ADH1C: variants seen among roughly 807,000 people sequenced by gnomAD.
The protein encoded by ADH1C is alcohol dehydrogenase 1C (class I), gamma polypeptide.
A neutral mutation model predicts 35.0 loss-of-function variants in ADH1C; 26 were observed. The observed-to-expected ratio is 0.74, with a 90% CI of 0.54 to 1.03. The LOEUF (loss-of-function observed/expected upper bound fraction) is 1.03. ADH1C is among the 50% of genes least tolerant of loss of function. ADH1C has a pLI of 0.00. For missense variants in ADH1C, 413 were observed against 465.4 expected, an observed-to-expected ratio of 0.89 and a Z score of 1.04; for synonymous variants, 170 against 169.3, an observed-to-expected ratio of 1.00 and a Z score of -0.03.
chr4:99,348,395 C>T (rs13118501), intron 1 of ADH1C, among the ~76,000 whole-genome samples: 17,076 of 147,770 alleles, frequency 0.12, 1,126 homozygotes, highest in Non-Finnish European at 0.16. Flanking sequence ...TTTGTTCTTG[C>T]GATAGTTTAC....
intron 3 of ADH1C, among the ~76,000 whole-genome samples, chr4:99,346,205 ATGAT>A (rs1734526361): frequency 6.6e-6 from 1 of 152,180 alleles, no homozygotes; most frequent in African/African-American, 2.4e-5. Context: ...ACCAAGAAAA[ATGAT>A]TGGTGCATAA....
chr4:99,352,191 C>G (rs989758874), intron 1 of ADH1C, among the ~76,000 whole-genome samples: 2 of 146,650 alleles, frequency 1.4e-5, no homozygotes, highest in African/African-American at 4.9e-5. Flanking sequence ...TCTCAAATCC[C>G]TCTCATAAAA....
At chr4:99,341,670 A>C (rs572532683) in intron 6 of ADH1C, among the ~76,000 whole-genome samples, 39 of 152,316 alleles carry the variant, frequency 2.6e-4, no homozygotes, top group African/African-American at 7.5e-4. Context: ...AAACCTCAGC[A>C]ATGGAAACTT....
intron 8 of ADH1C, among the ~76,000 whole-genome samples, chr4:99,338,395 CTATATATATA>C (rs35124782): frequency 3.3e-4 from 13 of 38,948 alleles, no homozygotes; most frequent in Admixed American, 8.8e-4. Context: ...ATACTGTTTT[CTATATATATA>C]TATATATATA....
At position 99,336,682 on chromosome 4, in the gene ADH1C, A is replaced by G; in HGVS notation, c.*70T>C. ...AAGAGCAGAATTAATGATATTTCCT[A>G]GCTGTTGCTCCAGATCATGTAGGGT... On this transcript the variant is annotated 3_prime_UTR_variant, in exon 9 of 9. Coordinates refer to ENST00000515683, the MANE Select transcript of ADH1C (RefSeq NM_000669.5). 6.5e-7 allele frequency: 1 copy of G among 1,544,448 alleles called. No individual in the cohort carries two copies. The highest frequency in any genetic ancestry group is 9.0e-7 in the Non-Finnish European group (1 of 1,117,268).
In ADH1C at chr4:99,342,994, A is replaced by G. The variant is rs755222271; in HGVS notation, c.629T>C (p.Met210Thr). ...GGCTGCTCCAGCTGCTTTACAGCCC[A>G]TAACAACAGATAGGCCGACCCCTCC... is the stretch of plus-strand genomic sequence containing the variant. ...GLGGVGLSVV[M>T]GCKAAGAARI... The change falls in exon 6 of 9, where the codon ATG becomes ACG. Residue 210 changes from methionine (M) to threonine (T), a missense_variant. Transcript: ENST00000515683. 11 of 1,614,132 alleles carry G rather than the reference A, an allele frequency of 6.8e-6. No individual in the cohort carries two copies. Among genetic ancestry groups the G allele is most frequent in the African/African-American group, 1.3e-5 (1 of 74,956 alleles).
At chr4:99,352,618 A>C in intron 1 of ADH1C, 40 bp downstream of exon 1, 1 of 1,532,340 alleles carries the variant, frequency 6.5e-7, no homozygotes, top group East Asian at 2.3e-5. Flanking sequence ...TGTTATATTG[A>C]AGAGAATATA....
chr4:99,352,591 T>A (rs577588334), intron 1 of ADH1C, 67 bp downstream of exon 1: 1 of 1,354,564 alleles, frequency 7.4e-7, no homozygotes, highest in African/African-American at 1.4e-5. Flanking sequence ...TCATTATTAA[T>A]ACTGTATTCC....
chr4:99,346,993 G>A lies in ADH1C; in HGVS notation c.259+13C>T. ...GTGAACCAAGGCATGTTCCCTGAGT[G>A]TGAATCCTGTACCTGGTTTGACTGT... On this transcript the variant is annotated intron_variant, in intron 3 of 8. Transcript: ENST00000515683. 6.2e-7 allele frequency: 1 copy of A among 1,612,434 alleles called. No individual in the cohort carries two copies. Among genetic ancestry groups the A allele is most frequent in the Non-Finnish European group, 8.5e-7 (1 of 1,179,300 alleles).
rs1402653610 is a variant in ADH1C, at chr4:99,336,519, G to A, written c.*233C>T. 5 of 581,694 alleles carry A rather than the reference G, an allele frequency of 8.6e-6. No homozygotes were observed. The East Asian group carries it at 1.5e-4, about 17-fold the overall frequency. The allele number at this position is 581,694 out of a possible 1,614,324, so 36.0% of individuals were successfully genotyped here. On this transcript the variant is annotated 3_prime_UTR_variant, in exon 9 of 9. Transcript: ENST00000515683. ...GAATGGTTAAGAAGGAAGGTTTATT[G>A]GCTTCAATTCCCCAGTTGATGTTCA...
chr4:99,339,464 C>T (rs1734360200), intron 8 of ADH1C, 113 bp downstream of exon 8: 4 of 1,008,994 alleles, frequency 4.0e-6, no homozygotes, highest in Non-Finnish European at 5.6e-6. Context: ...AACCAAGGCA[C>T]TGTAATTTTT....
intron 5 of ADH1C, among the ~76,000 whole-genome samples, chr4:99,344,297 G>A (rs994042137): frequency 2.0e-5 from 3 of 152,164 alleles, no homozygotes; most frequent in African/African-American, 7.2e-5. Context: ...AGGGGAGTTA[G>A]TTTTAGCAGT....
intron 8 of ADH1C, 76 bp from the exon 9 acceptor site, chr4:99,336,852 T>C (rs1242074561): frequency 1.3e-6 from 2 of 1,590,010 alleles, no homozygotes; most frequent in African/African-American, 2.7e-5. Context: ...CCAAGGAGTA[T>C]TTGAGGTGAC....
Position 99,340,630 on chromosome 4 carries a change from T to C in ADH1C, c.909A>G (p.Ser303=). Residue 303 remains serine, a synonymous_variant, in exon 7 of 9, where the codon TCA becomes TCG. Transcript: ENST00000515683. ...CAGTCAGTAGCAGCATAGGGTTTATTGAGAGGTTCTGGGAATCAGGAGGTA... is the reference window on the plus strand; with the variant it reads ...CAGTCAGTAGCAGCATAGGGTTTATCGAGAGGTTCTGGGAATCAGGAGGTA... ...VGVPPDSQNL[S]INPMLLLTGR... is the part of the protein sequence containing the mutation. The C allele has an allele frequency of 6.2e-7, 1 of 1,613,610 alleles. No homozygotes were observed.
At chr4:99,351,304 A>C (rs1734673681) in intron 1 of ADH1C, among the ~76,000 whole-genome samples, 1 of 152,184 alleles carries the variant, frequency 6.6e-6, no homozygotes, top group Admixed American at 6.5e-5. Context: ...TAATTTACTG[A>C]ATTCTCACAA....
intron 8 of ADH1C, among the ~76,000 whole-genome samples, chr4:99,338,583 C>G (rs1403103279): frequency 6.7e-6 from 1 of 149,554 alleles, no homozygotes; most frequent in Non-Finnish European, 1.5e-5. Context: ...TCTTAGTTTT[C>G]TCTTCTCTAA....
intron 6 of ADH1C, 41 bp from the exon 7 acceptor site, chr4:99,340,751 G>GAA (rs1560536431): frequency 1.2e-6 from 2 of 1,611,098 alleles, no homozygotes; most frequent in East Asian, 4.5e-5. Context: ...ACGTGGAGTG[G>GAA]CATAGTTCAT....
intron 8 of ADH1C, among the ~76,000 whole-genome samples, chr4:99,339,325 G>A (rs973516618): frequency 3.3e-5 from 5 of 152,102 alleles, no homozygotes. Context: ...GAATGACTCT[G>A]ATCATTCAGT....
At chr4:99,342,747 C>A in intron 6 of ADH1C, 48 bp downstream of exon 6, 1 of 1,612,418 alleles carries the variant, frequency 6.2e-7, no homozygotes. Context: ...CTAAATGCAT[C>A]CTCCAGGTTG....
Sources: allele counts gnomAD v4.1 joint callset (sites outside exome capture counted in the v4.1 genomes callset), GRCh38; gene constraint gnomAD v4.1.1; transcripts MANE v1.5; gene names NCBI Gene and HGNC (gene_info 2026-07-23, HGNC 2026-07-21).